The following LRP1 variants were observed in gnomAD, a reference collection of about 807,000 sequenced individuals.
LRP1 encodes the protein LDL receptor related protein 1.
Under a neutral mutation model 541.5 loss-of-function variants are expected in LRP1, and 51 were observed. The ratio of observed to expected loss-of-function variants is 0.09; its 90% confidence interval spans 0.08 to 0.12. The LOEUF (loss-of-function observed/expected upper bound fraction) is 0.12. LRP1 is among the 10% of genes least tolerant of loss of function. LRP1 has a pLI of 1.00. For synonymous variants in LRP1, 2,219 were observed against 2,470.8 expected (o/e 0.90, Z 3.02); for missense variants, 3,878 against 6,376.2 (o/e 0.61, Z 13.34).
intron 24 of LRP1, among the ~76,000 whole-genome samples, 180 bp from the exon 25 acceptor site, chr12:57,176,861 C>T (rs1359966453): frequency 6.7e-6 from 1 of 149,246 alleles, no homozygotes; most frequent in Non-Finnish European, 1.5e-5. Context: ...AAGACCCTGT[C>T]TCAAAAAAAA....
chr12:57,169,048 T>C, intron 19 of LRP1, 92 bp from the exon 20 acceptor site: 4 of 1,098,928 alleles, frequency 3.6e-6, no homozygotes, highest in Non-Finnish European at 5.3e-6. Context: ...GGGCTGAGGG[T>C]GGGTTCTGGG....
chr12:57,194,931 C>T, intron 50 of LRP1, 54 bp from the exon 51 acceptor site: 1 of 1,433,918 alleles, frequency 7.0e-7, no homozygotes, highest in Non-Finnish European at 9.8e-7. Context: ...TCAGCCTCCC[C>T]AGGTGGGTGA....
At chr12:57,169,553 A>C (rs1244183504) in intron 20 of LRP1, among the ~76,000 whole-genome samples, 1 of 152,208 alleles carries the variant, frequency 6.6e-6, no homozygotes, top group Non-Finnish European at 1.5e-5. Context: ...TTTGAGCTCC[A>C]GCTCTGCAGC....
At chr12:57,135,510 T>G (rs922963) in intron 1 of LRP1, among the ~76,000 whole-genome samples, 2 of 152,188 alleles carry the variant, frequency 1.3e-5, no homozygotes, top group East Asian at 3.9e-4. Context: ...GTTTCTTTCT[T>G]CCCTCTCCCC....
chr12:57,166,955 C>G lies in LRP1; in HGVS notation c.2823C>G (p.Phe941Leu). 1 of 1,613,974 alleles carries G rather than the reference C, an allele frequency of 6.2e-7. No homozygotes were observed. The highest frequency in any genetic ancestry group is 8.5e-7 in the Non-Finnish European group (1 of 1,179,850). The part of the protein sequence containing the change: ...CSARTCPPNQ[F>L]SCASGRCIPI... Reference sequence around the variant, plus strand: ...CCCGCACCTGCCCCCCCAACCAGTTCTCCTGTGCCAGTGGCCGCTGCATCC... The same window carrying G: ...CCCGCACCTGCCCCCCCAACCAGTTGTCCTGTGCCAGTGGCCGCTGCATCC... The change falls in exon 18 of 89, where the codon TTC (phenylalanine) becomes TTG (leucine). Residue 941 changes from phenylalanine to leucine, a missense_variant. Phe to Leu is a conservative substitution (Grantham distance 22, BLOSUM62 0). Transcript: ENST00000243077.
intron 12 of LRP1, among the ~76,000 whole-genome samples, chr12:57,160,668 GC>G (rs905796940): frequency 6.6e-6 from 1 of 152,184 alleles, no homozygotes; most frequent in Non-Finnish European, 1.5e-5. Context: ...GACCTTGGCT[GC>G]CTTGGTCTCC....
intron 20 of LRP1, among the ~76,000 whole-genome samples, chr12:57,169,598 T>C (rs557857735): frequency 6.6e-6 from 1 of 152,342 alleles, no homozygotes; most frequent in Admixed American, 6.5e-5. Context: ...AGTTACTTAA[T>C]CTCCATGGGC....
chr12:57,144,411 T>C (rs889648218), intron 4 of LRP1, among the ~76,000 whole-genome samples: 3 of 152,168 alleles, frequency 2.0e-5, no homozygotes, highest in Non-Finnish European at 4.4e-5. Flanking sequence ...ATGAGTGAGA[T>C]GTTCCCAATT....
At chr12:57,144,700 C>T in intron 4 of LRP1, 1 of 482,002 alleles carries the variant, frequency 2.1e-6, no homozygotes. Context: ...TTAAAGTTCA[C>T]TGATGCACCC....
rs371562623 is a variant in LRP1 at position 57,206,756 on chromosome 12, T to G, written c.11859+15T>G. On this transcript the variant is annotated intron_variant, in intron 76 of 88. Transcript: ENST00000243077. The surrounding 1 kb of genome is among the most constrained non-coding windows in gnomAD (Gnocchi z 4.7). Reference sequence around the variant, plus strand: ...CCCACCTCAACGTGAGTGCCCAACCTGGCGTGGATGGAGTGGAAGAGCTCC... The same window carrying G: ...CCCACCTCAACGTGAGTGCCCAACCGGGCGTGGATGGAGTGGAAGAGCTCC... The G allele has an allele frequency of 6.2e-7, 1 of 1,607,856 alleles. No homozygotes were observed. The highest frequency in any genetic ancestry group is 1.1e-5 in the South Asian group (1 of 91,044).
rs763962690 is a variant in LRP1 at position 57,195,061 on chromosome 12, C to T, written c.8268C>T (p.Ser2756=). The stretch of plus-strand genomic sequence containing the variant: ...CCAAGCAGTGGCTGTGTGACGGCAG[C>T]GATGACTGTGGGGATGGCTCAGACG... ...CISKQWLCDG[S]DDCGDGSDEA... Residue 2756 remains serine, a synonymous_variant, in exon 51 of 89, where the codon AGC becomes AGT. Transcript: ENST00000243077. 3.8e-5 allele frequency: 61 copies of T among 1,613,980 alleles called. No individual in the cohort carries two copies. Among genetic ancestry groups the T allele is most frequent in the African/African-American group, 9.3e-5 (7 of 75,016 alleles).
chr12:57,134,245 T>A (rs747075263), intron 1 of LRP1, among the ~76,000 whole-genome samples: 13 of 152,064 alleles, frequency 8.5e-5, no homozygotes, highest in Non-Finnish European at 1.8e-4. Context: ...AAACTCGCTC[T>A]CTCTCCTTCC....
At chr12:57,195,247 C>T in intron 51 of LRP1, 24 bp from the exon 52 acceptor site, 1 of 1,611,104 alleles carries the variant, frequency 6.2e-7, no homozygotes, top group Non-Finnish European at 8.5e-7. Flanking sequence ...CTAAGTCTCT[C>T]AGTGGCCCTC....
intron 19 of LRP1, among the ~76,000 whole-genome samples, chr12:57,168,854 G>T (rs1359824769): frequency 3.3e-5 from 5 of 152,160 alleles, no homozygotes; most frequent in Non-Finnish European, 7.3e-5. Flanking sequence ...TCCCACACCT[G>T]CCAGAAAGGG....
Position 57,212,636 on chromosome 12 carries a change from G to A in LRP1, c.*81G>A, listed in dbSNP as rs895799711. On this transcript the variant is annotated 3_prime_UTR_variant, in exon 89 of 89. Coordinates refer to ENST00000243077, the MANE Select transcript of LRP1 (RefSeq NM_002332.3). This position sits in a 1 kb window ranked among gnomAD's most constrained non-coding sequence, Gnocchi z 5.0. Reference sequence around the variant, plus strand: ...CCTTCAGTGAGCCCCTCCCCAGCCAGCCCTTCCCTGGCCCCGCCGGATGTA... The same window carrying A: ...CCTTCAGTGAGCCCCTCCCCAGCCAACCCTTCCCTGGCCCCGCCGGATGTA... 7.8e-6 allele frequency: 11 copies of A among 1,403,174 alleles called. No homozygotes were observed. In the African/African-American group the frequency reaches 1.3e-4, roughly 17 times the overall value. 86.9% of individuals were successfully genotyped at this position (1,403,174 alleles called of 1,614,324 possible).
At chr12:57,159,067 A>C (rs1186167386) in intron 11 of LRP1, among the ~76,000 whole-genome samples, 2 of 152,214 alleles carry the variant, frequency 1.3e-5, no homozygotes, top group Non-Finnish European at 2.9e-5. Flanking sequence ...GTGTCCTGAG[A>C]AAATTGTGTT....
rs1481704346 is a variant in LRP1 at position 57,156,980 on chromosome 12, G to A, written c.1561+60G>A. The A allele has an allele frequency of 3.4e-6, 5 of 1,485,284 alleles. No individual in the cohort carries two copies. The African/African-American group carries it at 5.5e-5, about 16-fold the overall frequency. The allele number at this position is 1,485,284 out of a possible 1,614,324, so 92.0% of individuals were successfully genotyped here. On this transcript the variant is annotated intron_variant, in intron 10 of 88. Transcript: ENST00000243077. This position sits in a 1 kb window ranked among gnomAD's most constrained non-coding sequence, Gnocchi z 5.2. ...GAGGCTGCGGGAGGGTTCCTCAGGT[G>A]TCCCCCACAGCCCGGCTGCCTCTGT...
chr12:57,146,679 A>C (rs1360428564), intron 6 of LRP1: 1 of 152,236 alleles, frequency 6.6e-6, no homozygotes, highest in Admixed American at 6.5e-5. Flanking sequence ...GCTCCTCCAG[A>C]GCATCCCTGA....
Position 57,173,853 on chromosome 12 carries a change from C to T in LRP1, c.3420C>T (p.Cys1140=), listed in dbSNP as rs762288177. ...DCEDNSDEEN[C]ESLACRPPSH... ...AGGATAACTCGGACGAGGAGAACTG[C>T]GAGTCCCTGGCCTGCAGGCCACCCT... Residue 1140 remains cysteine (C), a synonymous_variant, in exon 22 of 89, where the codon TGC becomes TGT. Transcript: ENST00000243077. The surrounding 1 kb of genome is among the most constrained non-coding windows in gnomAD (Gnocchi z 4.7). 11 of 1,614,102 alleles carry T rather than the reference C, an allele frequency of 6.8e-6. No individual in the cohort carries two copies. Among genetic ancestry groups the T allele is most frequent in the African/African-American group, 4.0e-5 (3 of 74,942 alleles).
Sources: gnomAD v4.1 joint callset for allele counts (sites outside exome capture counted in the v4.1 genomes callset) on GRCh38, gnomAD v4.1.1 for gene constraint, Gnocchi (gnomAD v3.1) non-coding constraint, MANE v1.5 for transcripts, NCBI Gene and HGNC (gene_info 2026-07-23, HGNC 2026-07-21) for gene names.